Variants in SLC25A26 observed in about 807,000 individuals in gnomAD.
SLC25A26 encodes solute carrier family 25 member 26, also known as mitochondrial S-adenosylmethionine carrier protein.
SLC25A26 carries 36 observed loss-of-function variants against 37.8 expected under a neutral mutation model. The observed-to-expected ratio is 0.95, with a 90% CI of 0.73 to 1.26. The LOEUF (loss-of-function observed/expected upper bound fraction) is 1.26, where lower values mean the gene tolerates loss of function less well. Among genes scored for constraint, SLC25A26 ranks in the 50% most tolerant of loss-of-function variants. The pLI, the probability that SLC25A26 is intolerant of heterozygous loss-of-function variation, is 0.00. For synonymous variants in SLC25A26, 129 were observed against 122.5 expected (o/e 1.05, Z -0.35); for missense variants, 390 against 331.1 (o/e 1.18, Z -1.38).
rs963687150 is a variant in SLC25A26, at chr3:66,263,480, G to C, written c.453+101G>C. The C allele has an allele frequency of 1.7e-5, 13 of 773,110 alleles. No homozygotes were observed. In the Admixed American group the frequency reaches 3.3e-4, roughly 20 times the overall value. 47.9% of individuals were successfully genotyped at this position (773,110 alleles called of 1,614,324 possible). A position where few individuals can be genotyped will look rare whatever the true frequency, so the allele number is the denominator to read the frequency against. On this transcript the variant is annotated intron_variant, in intron 5 of 9. Transcript: ENST00000354883. Reference sequence around the variant, plus strand: ...ATTAGAAATATATTTGGAGAAACTTGGTTTAAAAAATCAAAAAGGGAAATT... The same window carrying C: ...ATTAGAAATATATTTGGAGAAACTTCGTTTAAAAAATCAAAAAGGGAAATT...
intron 5 of SLC25A26, among the ~76,000 whole-genome samples, chr3:66,283,041 A>G (rs537207710): frequency 9.9e-5 from 15 of 152,238 alleles, no homozygotes; most frequent in African/African-American, 2.2e-4. Context: ...TTTTTATTGC[A>G]GGGTGGTATT....
intron 5 of SLC25A26, among the ~76,000 whole-genome samples, chr3:66,308,934 T>A (rs942552052): frequency 6.6e-6 from 1 of 152,224 alleles, no homozygotes; most frequent in African/African-American, 2.4e-5. Flanking sequence ...GGATTCGGTT[T>A]GCCAGAATTT....
intron 1 of SLC25A26, among the ~76,000 whole-genome samples, chr3:66,225,705 AT>A (rs2071713780): frequency 6.6e-6 from 1 of 152,124 alleles, no homozygotes; most frequent in Non-Finnish European, 1.5e-5. Flanking sequence ...CCAAACTTTT[AT>A]GCTTTGTCAC....
intron 1 of SLC25A26, among the ~76,000 whole-genome samples, chr3:66,192,462 T>A (rs1250665159): frequency 1.3e-5 from 2 of 152,196 alleles, no homozygotes; most frequent in Non-Finnish European, 2.9e-5. Flanking sequence ...GCATTGATTT[T>A]GGACTTCCCA....
chr3:66,311,891 A>C (rs2075389177), intron 5 of SLC25A26, among the ~76,000 whole-genome samples: 1 of 152,082 alleles, frequency 6.6e-6, no homozygotes, highest in South Asian at 2.1e-4. Context: ...CACATACCAG[A>C]TGCCAGCTGG....
At position 66,140,972 on chromosome 3, in the gene SLC25A26, C is replaced by T. The variant is rs555250336; in HGVS notation, c.-354+6988C>T. Among the ~76,000 whole-genome samples, 43 of 151,896 alleles carry T rather than the reference C, an allele frequency of 2.8e-4. 1 individual carries two copies. In the South Asian group the frequency reaches 8.5e-3, roughly 30 times the overall value. ...CTTGTGGTTACTGTGGTGGTGCCAC[C>T]AGCTCTCTGAAATTTCTTACTAGTC... On this transcript the variant is annotated intron_variant, in intron 1 of 10. Coordinates refer to the SLC25A26 transcript ENST00000676754.
intron 5 of SLC25A26, among the ~76,000 whole-genome samples, chr3:66,338,711 C>T (rs1211596102): frequency 1.3e-5 from 2 of 151,982 alleles, no homozygotes; most frequent in Non-Finnish European, 2.9e-5. Context: ...CTTTCCCCTT[C>T]CCCTAGCCAA....
intron 9 of SLC25A26, among the ~76,000 whole-genome samples, chr3:66,372,160 C>T (rs1700381313): frequency 6.6e-6 from 1 of 152,208 alleles, no homozygotes; most frequent in Non-Finnish European, 1.5e-5. Context: ...ATGGAGAAGT[C>T]ACATTCAGTG....
intron 5 of SLC25A26, among the ~76,000 whole-genome samples, chr3:66,306,906 T>C (rs2075241847): frequency 6.6e-6 from 1 of 152,208 alleles, no homozygotes; most frequent in African/African-American, 2.4e-5. Context: ...CAGTCTATCA[T>C]TGATGGGCAT....
chr3:66,243,428 G>A (rs1170456044), intron 3 of SLC25A26, 116 bp downstream of exon 3: 3 of 548,136 alleles, frequency 5.5e-6, no homozygotes, highest in East Asian at 3.0e-5. Flanking sequence ...AGTCATAAAT[G>A]GCAATAAATG....
chr3:66,330,104 A>G (rs913245764), intron 5 of SLC25A26, among the ~76,000 whole-genome samples: 2 of 152,204 alleles, frequency 1.3e-5, no homozygotes, highest in South Asian at 2.1e-4. Context: ...TGACATCAGG[A>G]GCTTCCAGTA....
intron 1 of SLC25A26, among the ~76,000 whole-genome samples, chr3:66,208,985 T>TATA: frequency 8.1e-6 from 1 of 124,200 alleles, no homozygotes; most frequent in South Asian, 2.6e-4. Flanking sequence ...TATATATATA[T>TATA]ATATTTATGT....
intron 5 of SLC25A26, among the ~76,000 whole-genome samples, chr3:66,337,566 G>A (rs2076118541): frequency 6.6e-6 from 1 of 151,976 alleles, no homozygotes; most frequent in Admixed American, 6.6e-5. Flanking sequence ...TGGAACACAT[G>A]CTAATGTTTA....
At chr3:66,300,022 T>G (rs1357837485) in intron 5 of SLC25A26, among the ~76,000 whole-genome samples, 5 of 152,208 alleles carry the variant, frequency 3.3e-5, no homozygotes, top group Non-Finnish European at 7.3e-5. Flanking sequence ...GAGTTTCAGC[T>G]GTTAGCGTTT....
At chr3:66,353,534 G>A (rs1336241363) in intron 6 of SLC25A26, among the ~76,000 whole-genome samples, 5 of 152,164 alleles carry the variant, frequency 3.3e-5, no homozygotes, top group Non-Finnish European at 7.3e-5. Flanking sequence ...CACATGATGT[G>A]TTTCATAACG....
chr3:66,362,958 G>T, intron 7 of SLC25A26, 29 bp downstream of exon 7: 1 of 1,431,324 alleles, frequency 7.0e-7, no homozygotes, highest in East Asian at 2.4e-5. Flanking sequence ...TACTGGGAAA[G>T]ACCAAAGAGG....
At chr3:66,239,823 T>TC (rs200211604) in intron 2 of SLC25A26, among the ~76,000 whole-genome samples, 8 of 133,038 alleles carry the variant, frequency 6.0e-5, no homozygotes, top group Non-Finnish European at 8.8e-5. Context: ...TTTCTTTTTT[T>TC]TTTTTTTTTT....
At chr3:66,195,282 G>A (rs1401363223) in intron 1 of SLC25A26, among the ~76,000 whole-genome samples, 1 of 152,228 alleles carries the variant, frequency 6.6e-6, no homozygotes, top group African/African-American at 2.4e-5. Context: ...ACCCTGTCCT[G>A]TGCTGATCTT....
chr3:66,276,128 G>T (rs1333435230), intron 5 of SLC25A26, among the ~76,000 whole-genome samples: 1 of 152,078 alleles, frequency 6.6e-6, no homozygotes, highest in Non-Finnish European at 1.5e-5. Flanking sequence ...ATTACTTTGG[G>T]ATCACATAAT....
Sources: allele counts gnomAD v4.1 joint callset (sites outside exome capture counted in the v4.1 genomes callset), GRCh38; gene constraint gnomAD v4.1.1; transcripts MANE v1.5; gene names NCBI Gene and HGNC (gene_info 2026-07-23, HGNC 2026-07-21).